PPP1R9A: variants seen among roughly 807,000 people sequenced by gnomAD.
PPP1R9A encodes the protein neurabin-1.
PPP1R9A carries 59 observed loss-of-function variants against 141.9 expected under a neutral mutation model. The ratio of observed to expected loss-of-function variants is 0.42; its 90% CI spans 0.34 to 0.52. The LOEUF (loss-of-function observed/expected upper bound fraction) is 0.52, where lower values mean the gene tolerates loss of function less well. PPP1R9A is among the 20% of genes least tolerant of loss of function. The pLI, the probability that PPP1R9A is intolerant of heterozygous loss-of-function variation, is 0.10. For missense variants in PPP1R9A, 1,444 were observed against 1,611.9 expected, an observed-to-expected ratio of 0.90 and a Z score of 1.78; for synonymous variants, 500 against 569.7, an observed-to-expected ratio of 0.88 and a Z score of 1.74.
At chr7:95,108,275 CT>C (rs1435492877) in intron 2 of PPP1R9A, among the ~76,000 whole-genome samples, 2 of 49,064 alleles carry the variant, frequency 4.1e-5, no homozygotes, top group Admixed American at 1.7e-4. Flanking sequence ...TTTTCTTTTT[CT>C]TTTTCTTTTC....
At chr7:95,189,458 A>G (rs1342424040) in intron 5 of PPP1R9A, among the ~76,000 whole-genome samples, 3 of 111,582 alleles carry the variant, frequency 2.7e-5, no homozygotes, top group Non-Finnish European at 5.0e-5. Flanking sequence ...TTTTTTTGAG[A>G]CGGAGTCTCG....
In PPP1R9A at chr7:95,269,194, C is replaced by G. The variant is rs1295487929; in HGVS notation, c.2824-13C>G. On this transcript the variant is annotated splice_polypyrimidine_tract_variant and intron_variant, in intron 13 of 19. Coordinates refer to ENST00000433360, the MANE Select transcript of PPP1R9A (RefSeq NM_001166160.2). ...AGTGGCATAACCTTCCTTATAATCT[C>G]TTATACCAACAGCCATCAAACAGTT... 1 of 1,513,018 alleles carries G rather than the reference C, an allele frequency of 6.6e-7. No individual in the cohort carries two copies. The highest frequency in any genetic ancestry group is 1.7e-5 in the Admixed American group (1 of 58,030). The allele number at this position is 1,513,018 out of a possible 1,614,324, so 93.7% of individuals were successfully genotyped here. A position where few individuals can be genotyped will look rare whatever the true frequency, so the allele number is the denominator to read the frequency against.
intron 2 of PPP1R9A, among the ~76,000 whole-genome samples, chr7:94,990,901 A>C (rs978480085): frequency 6.6e-6 from 1 of 152,048 alleles, no homozygotes; most frequent in African/African-American, 2.4e-5. Flanking sequence ...TTATGGCTGA[A>C]TAGTACTCCA....
At chr7:95,072,825 A>T (rs1160698232) in intron 2 of PPP1R9A, among the ~76,000 whole-genome samples, 1 of 36,094 alleles carries the variant, frequency 2.8e-5, no homozygotes, top group Non-Finnish European at 5.9e-5. Flanking sequence ...AATAATTATT[A>T]TATATATAAT....
At chr7:95,045,355 T>G (rs1261047325) in intron 2 of PPP1R9A, among the ~76,000 whole-genome samples, 1 of 152,150 alleles carries the variant, frequency 6.6e-6, no homozygotes, top group African/African-American at 2.4e-5. Flanking sequence ...ATTTGGAGTT[T>G]TATATGTTGG....
intron 2 of PPP1R9A, among the ~76,000 whole-genome samples, chr7:95,040,079 A>G (rs969063323): frequency 1.3e-5 from 2 of 152,204 alleles, no homozygotes; most frequent in Non-Finnish European, 2.9e-5. Flanking sequence ...AGGATCAGAA[A>G]GGTGGATTTT....
chr7:94,945,607 A>T (rs536983780), intron 2 of PPP1R9A, among the ~76,000 whole-genome samples: 1 of 152,182 alleles, frequency 6.6e-6, no homozygotes, highest in Admixed American at 6.6e-5. Context: ...ATAATATTCT[A>T]TTACAGTGTA....
intron 14 of PPP1R9A, among the ~76,000 whole-genome samples, 157 bp from the exon 15 acceptor site, chr7:95,273,742 G>A (rs1802621198): frequency 1.3e-5 from 2 of 152,224 alleles, no homozygotes; most frequent in Non-Finnish European, 2.9e-5. Flanking sequence ...GTTCCTCAAT[G>A]TAACTGTGTC....
At chr7:95,212,102 T>C (rs1030705656) in intron 7 of PPP1R9A, among the ~76,000 whole-genome samples, 13 of 152,204 alleles carry the variant, frequency 8.5e-5, no homozygotes, top group South Asian at 2.1e-4. Context: ...AATTTTTATA[T>C]ATTTAAATGT....
intron 5 of PPP1R9A, among the ~76,000 whole-genome samples, chr7:95,181,618 ATATT>A (rs1270529133): frequency 1.4e-5 from 2 of 141,198 alleles, no homozygotes; most frequent in Non-Finnish European, 3.0e-5. Flanking sequence ...TCACACATAT[ATATT>A]CCATCACATA....
intron 2 of PPP1R9A, among the ~76,000 whole-genome samples, chr7:95,081,011 A>G (rs1815736594): frequency 1.3e-5 from 2 of 152,226 alleles, no homozygotes; most frequent in African/African-American, 4.8e-5. Flanking sequence ...ATTGTTTACA[A>G]AGAGTTGAGA....
Position 94,910,667 on chromosome 7 carries a change from C to A in PPP1R9A, c.554C>A (p.Thr185Asn). The change falls in exon 2 of 20, where the codon ACT (threonine) becomes AAT (asparagine). Residue 185 changes from threonine to asparagine, a missense_variant. Coordinates refer to ENST00000433360, the MANE Select transcript of PPP1R9A (RefSeq NM_001166160.2). This position sits in a 1 kb window ranked among gnomAD's most constrained non-coding sequence, Gnocchi z 4.5. ...GGTTCCAAGTCCAACAGAGGCAGTA[C>A]TGATTCCTTGGACAGCCTTAGCTCC... The part of the protein sequence containing the change: ...WGGSKSNRGS[T>N]DSLDSLSSRT... The A allele has an allele frequency of 6.2e-7, 1 of 1,614,154 alleles. No individual in the cohort carries two copies. Among genetic ancestry groups the A allele is most frequent in the Non-Finnish European group, 8.5e-7 (1 of 1,180,026 alleles).
chr7:95,011,831 T>C (rs556188622), intron 2 of PPP1R9A, among the ~76,000 whole-genome samples: 7 of 152,144 alleles, frequency 4.6e-5, no homozygotes, highest in Non-Finnish European at 1.0e-4. Context: ...AGCTAATATA[T>C]TGAGTAGAGA....
rs114449737 is a variant in PPP1R9A, at chr7:95,040,851, T to C, written c.1396-70408T>C. On this transcript the variant is annotated intron_variant, in intron 2 of 19. Coordinates refer to ENST00000433360, the MANE Select transcript of PPP1R9A (RefSeq NM_001166160.2). ...ACTGCCCTCCCAGCATAATATGCAT[T>C]CTCCATGAAAGAGATTAATCCTCTC... Among the ~76,000 whole-genome samples, 526 of 152,242 alleles carry C rather than the reference T, an allele frequency of 3.5e-3. 6 individuals carry two copies. The highest frequency in any genetic ancestry group is 0.012 in the African/African-American group (484 of 41,536).
chr7:95,105,220 A>G (rs1480172997), intron 2 of PPP1R9A, among the ~76,000 whole-genome samples: 1 of 152,158 alleles, frequency 6.6e-6, no homozygotes, highest in African/African-American at 2.4e-5. Flanking sequence ...TTGAAAATGT[A>G]TTGCTGCTGT....
At chr7:94,923,358 T>C (rs750403013) in intron 2 of PPP1R9A, among the ~76,000 whole-genome samples, 1 of 152,212 alleles carries the variant, frequency 6.6e-6, no homozygotes, top group African/African-American at 2.4e-5. Context: ...TAAAGGAAAC[T>C]TAACCATTTT....
At chr7:95,181,393 A>AAT (rs1195171563) in intron 5 of PPP1R9A, among the ~76,000 whole-genome samples, 7 of 137,506 alleles carry the variant, frequency 5.1e-5, no homozygotes, top group Non-Finnish European at 3.0e-5. Flanking sequence ...GAATAGAGAG[A>AAT]ATATATATAT....
intron 2 of PPP1R9A, among the ~76,000 whole-genome samples, chr7:95,047,436 T>TC (rs1810181469): frequency 1.3e-5 from 2 of 152,226 alleles, no homozygotes; most frequent in South Asian, 4.1e-4. Flanking sequence ...CATAATGGCT[T>TC]CAATTCTCCA....
chr7:94,966,160 C>T (rs1413722827), intron 2 of PPP1R9A, among the ~76,000 whole-genome samples: 1 of 152,178 alleles, frequency 6.6e-6, no homozygotes, highest in Admixed American at 6.5e-5. Context: ...GATTTTTGCA[C>T]ATTGATTTTT....
Sources: allele counts gnomAD v4.1 joint callset (sites outside exome capture counted in the v4.1 genomes callset), GRCh38; gene constraint gnomAD v4.1.1; non-coding constraint Gnocchi (gnomAD v3.1); transcripts MANE v1.5; gene names NCBI Gene and HGNC (gene_info 2026-07-23, HGNC 2026-07-21).